LUZP2: variants seen among roughly 807,000 people sequenced by gnomAD.
LUZP2 encodes the protein leucine zipper protein 2.
In LUZP2, 52 loss-of-function variants were observed where a neutral mutation model predicts 51.6. The observed-to-expected ratio is 1.01, with a 90% CI of 0.81 to 1.27. The LOEUF (loss-of-function observed/expected upper bound fraction) is 1.27, where lower values mean the gene tolerates loss of function less well. Among genes scored for constraint, LUZP2 ranks in the 50% most tolerant of loss-of-function variants. The probability of loss-of-function intolerance (pLI) is 0.00; values close to 1 mark genes in which losing one functional copy is unlikely to be tolerated. For missense variants in LUZP2, 436 were observed against 395.4 expected (o/e 1.10, Z -0.87); for synonymous variants, 154 against 137.3 (o/e 1.12, Z -0.85).
At chr11:24,857,799 T>C (rs934635849) in intron 5 of LUZP2, among the ~76,000 whole-genome samples, 1 of 152,020 alleles carries the variant, frequency 6.6e-6, no homozygotes, top group African/African-American at 2.4e-5. Context: ...ACCCCTGAAC[T>C]ATAAGTATGA....
chr11:24,919,948 A>T (rs957730944), intron 7 of LUZP2, among the ~76,000 whole-genome samples: 5 of 151,734 alleles, frequency 3.3e-5, no homozygotes, highest in African/African-American at 7.2e-5. Context: ...TTAGCTAAGA[A>T]ATTTTATGAA....
chr11:24,875,020 C>A (rs1852199339), intron 5 of LUZP2, among the ~76,000 whole-genome samples: 1 of 152,098 alleles, frequency 6.6e-6, no homozygotes, highest in Non-Finnish European at 1.5e-5. Flanking sequence ...TAAGTTCTGG[C>A]TACTGGTATA....
chr11:24,846,262 A>G (rs1312013770), intron 5 of LUZP2, among the ~76,000 whole-genome samples: 1 of 152,102 alleles, frequency 6.6e-6, no homozygotes, highest in African/African-American at 2.4e-5. Context: ...AGGAAAATGT[A>G]TAGCCCTTCA....
At chr11:25,077,534 C>G (rs1290108245) in intron 11 of LUZP2, 128 bp downstream of exon 11, 4 of 267,484 alleles carry the variant, frequency 1.5e-5, no homozygotes, top group Admixed American at 6.0e-5. Context: ...GAGTCTTGCT[C>G]TATCTCCCAG....
At chr11:24,745,287 T>C (rs1859337091) in intron 4 of LUZP2, among the ~76,000 whole-genome samples, 1 of 152,150 alleles carries the variant, frequency 6.6e-6, no homozygotes, top group Admixed American at 6.6e-5. Context: ...TTGACCTTTC[T>C]AGTACTGTCA....
intron 5 of LUZP2, among the ~76,000 whole-genome samples, chr11:24,872,682 C>T (rs1408378728): frequency 6.6e-6 from 1 of 152,010 alleles, no homozygotes; most frequent in Admixed American, 6.6e-5. Context: ...AAATCCTACA[C>T]CCTGTGGGTT....
At chr11:24,634,302 G>C (rs1330987623) in intron 1 of LUZP2, among the ~76,000 whole-genome samples, 1 of 151,926 alleles carries the variant, frequency 6.6e-6, no homozygotes, top group Non-Finnish European at 1.5e-5. Context: ...ATATTACAAG[G>C]GTGGTAATGT....
chr11:24,505,487 T>TAA (rs759203076), intron 1 of LUZP2, among the ~76,000 whole-genome samples: 1 of 152,140 alleles, frequency 6.6e-6, no homozygotes, highest in Non-Finnish European at 1.5e-5. Context: ...AGCTAATGTA[T>TAA]AAAGAATAGC....
At chr11:24,524,940 GAC>G (rs1850751884) in intron 1 of LUZP2, among the ~76,000 whole-genome samples, 1 of 151,606 alleles carries the variant, frequency 6.6e-6, no homozygotes, top group African/African-American at 2.4e-5. Context: ...CACTACCTGA[GAC>G]AGGCTAGGAG....
intron 9 of LUZP2, among the ~76,000 whole-genome samples, chr11:25,030,163 G>A (rs567464392): frequency 1.3e-4 from 20 of 152,172 alleles, no homozygotes; most frequent in Admixed American, 9.8e-4. Flanking sequence ...AAGAAATATG[G>A]CTAGTATTGA....
chr11:24,657,021 A>G (rs1855829778), intron 1 of LUZP2, among the ~76,000 whole-genome samples: 1 of 152,204 alleles, frequency 6.6e-6, no homozygotes, highest in African/African-American at 2.4e-5. Flanking sequence ...GGCAGGATGG[A>G]GATAATATTC....
At chr11:24,776,047 C>A (rs1346159647) in intron 5 of LUZP2, among the ~76,000 whole-genome samples, 1 of 152,088 alleles carries the variant, frequency 6.6e-6, no homozygotes, top group Admixed American at 6.6e-5. Flanking sequence ...TTCTAAAAAT[C>A]AAACAACCAA....
intron 1 of LUZP2, among the ~76,000 whole-genome samples, chr11:24,681,736 A>T (rs1856743035): frequency 6.6e-6 from 1 of 152,196 alleles, no homozygotes; most frequent in African/African-American, 2.4e-5. Flanking sequence ...TGCTTACATT[A>T]ATATGAAATG....
intron 10 of LUZP2, among the ~76,000 whole-genome samples, chr11:25,057,867 A>C (rs1858733307): frequency 6.6e-6 from 1 of 152,086 alleles, no homozygotes; most frequent in Admixed American, 6.5e-5. Context: ...GCAGAAAATA[A>C]ATTCTAGAGC....
intron 1 of LUZP2, among the ~76,000 whole-genome samples, chr11:24,532,288 A>G (rs1851030059): frequency 1.3e-5 from 2 of 150,998 alleles, no homozygotes; most frequent in African/African-American, 4.8e-5. Flanking sequence ...ATTCATTTAT[A>G]TAATTTAATA....
chr11:24,604,145 T>C (rs553360860), intron 1 of LUZP2, among the ~76,000 whole-genome samples: 3 of 151,892 alleles, frequency 2.0e-5, no homozygotes, highest in Non-Finnish European at 4.4e-5. Flanking sequence ...GCATACTATA[T>C]TCTGTGTTAT....
chr11:25,047,407 T>TA (rs397956946), intron 9 of LUZP2, among the ~76,000 whole-genome samples: 4 of 89,416 alleles, frequency 4.5e-5, no homozygotes, highest in Non-Finnish European at 7.6e-5. Flanking sequence ...ATTTTTTTTT[T>TA]ATTATACTCT....
chr11:24,834,390 C>A (rs2134186329), intron 5 of LUZP2, among the ~76,000 whole-genome samples: 2 of 152,290 alleles, frequency 1.3e-5, no homozygotes. Context: ...ATGATGGCTT[C>A]CAGCTCCATC....
In LUZP2 at chr11:24,729,305, T is replaced by C; in HGVS notation, c.180+19T>C. 1 of 1,340,984 alleles carries C rather than the reference T, an allele frequency of 7.5e-7. No individual in the cohort carries two copies. Among genetic ancestry groups the C allele is most frequent in the Non-Finnish European group, 1.0e-6 (1 of 971,292 alleles). The allele number at this position is 1,340,984 out of a possible 1,614,324, so 83.1% of individuals were successfully genotyped here. ...TCTTCAGGTGAGATGAGAACTCATTTTCCGAGCAGTAAAAGAGGAGCAGTC... is the reference window on the plus strand; with the variant it reads ...TCTTCAGGTGAGATGAGAACTCATTCTCCGAGCAGTAAAAGAGGAGCAGTC... On this transcript the variant is annotated intron_variant, in intron 2 of 11. Transcript: ENST00000336930.
Sources: gnomAD v4.1 joint callset for allele counts (sites outside exome capture counted in the v4.1 genomes callset) on GRCh38, gnomAD v4.1.1 for gene constraint, MANE v1.5 for transcripts, NCBI Gene and HGNC (gene_info 2026-07-23, HGNC 2026-07-21) for gene names.